Variants in ANKRD30BL observed in about 807,000 individuals in gnomAD.
ANKRD30BL encodes the protein ankyrin repeat domain 30B like.
Under a neutral mutation model 18.4 loss-of-function variants are expected in ANKRD30BL, and 20 were observed. That is an observed-to-expected ratio of 1.09 (90% CI 0.77 to 1.58). ANKRD30BL has a LOEUF of 1.58. Among genes scored for constraint, ANKRD30BL ranks in the 40% most tolerant of loss-of-function variants. ANKRD30BL has a pLI of 0.00. For synonymous variants in ANKRD30BL, 72 were observed against 100.9 expected (o/e 0.71, Z 1.72); for missense variants, 224 against 268.6 (o/e 0.83, Z 1.16).
At chr2:132,204,462 T>C (rs1446567144) in intron 1 of ANKRD30BL, among the ~76,000 whole-genome samples, 2 of 94,048 alleles carry the variant, frequency 2.1e-5, no homozygotes, top group Non-Finnish European at 4.3e-5. Flanking sequence ...ATAGTGTGTA[T>C]GTATGTATGT....
chr2:132,239,846 T>C (rs1271001426), intron 1 of ANKRD30BL, among the ~76,000 whole-genome samples: 2 of 151,954 alleles, frequency 1.3e-5, no homozygotes, highest in African/African-American at 4.8e-5. Flanking sequence ...TCTCAGAAAC[T>C]TCTTTGTGAT....
At chr2:132,183,426 G>A (rs1173323939) in intron 1 of ANKRD30BL, among the ~76,000 whole-genome samples, 1 of 152,114 alleles carries the variant, frequency 6.6e-6, no homozygotes, top group Non-Finnish European at 1.5e-5. Flanking sequence ...ACTGCACCCG[G>A]CCACTTTTAG....
At chr2:132,233,221 C>A (rs1205756049) in intron 1 of ANKRD30BL, among the ~76,000 whole-genome samples, 2 of 152,072 alleles carry the variant, frequency 1.3e-5, no homozygotes, top group Non-Finnish European at 2.9e-5. Flanking sequence ...GTACCAGCCA[C>A]TGCAAAATCA....
chr2:132,221,323 G>A (rs1679671586), intron 1 of ANKRD30BL, among the ~76,000 whole-genome samples: 1 of 148,434 alleles, frequency 6.7e-6, no homozygotes, highest in African/African-American at 2.5e-5. Context: ...GGGAGGTGGG[G>A]GGGTCAGCCC....
chr2:132,202,605 G>T (rs1044222863), intron 1 of ANKRD30BL, among the ~76,000 whole-genome samples: 1 of 151,772 alleles, frequency 6.6e-6, no homozygotes, highest in East Asian at 1.9e-4. Context: ...AACCAATAAA[G>T]ATATGCAATA....
At chr2:132,202,146 G>A (rs1323238705) in intron 1 of ANKRD30BL, among the ~76,000 whole-genome samples, 3 of 149,540 alleles carry the variant, frequency 2.0e-5, no homozygotes, top group East Asian at 3.9e-4. Flanking sequence ...CTGTTGTGGG[G>A]TGGAGGCAGG....
intron 1 of ANKRD30BL, chr2:132,253,175 C>A: frequency 4.5e-6 from 1 of 221,954 alleles, no homozygotes. Context: ...CAGGCATAGC[C>A]CTGGGAGGAA....
intron 1 of ANKRD30BL, among the ~76,000 whole-genome samples, chr2:132,223,379 A>C (rs1573861524): frequency 6.6e-6 from 1 of 152,056 alleles, no homozygotes; most frequent in South Asian, 2.1e-4. Flanking sequence ...GCAGGTTTGA[A>C]ACACTCTTTT....
At chr2:132,249,934 C>T (rs1442929497) in intron 1 of ANKRD30BL, among the ~76,000 whole-genome samples, 14 of 152,180 alleles carry the variant, frequency 9.2e-5, no homozygotes, top group Non-Finnish European at 1.2e-4. Flanking sequence ...GATGAACACA[C>T]ACATCACAAA....
intron 1 of ANKRD30BL, among the ~76,000 whole-genome samples, chr2:132,191,435 G>A (rs1464877574): frequency 6.6e-6 from 1 of 152,034 alleles, no homozygotes; most frequent in Admixed American, 6.6e-5. Context: ...AGGTCAAATT[G>A]TAAGTGTATG....
chr2:132,236,018 C>A (rs1442899942), intron 1 of ANKRD30BL, among the ~76,000 whole-genome samples: 2 of 152,006 alleles, frequency 1.3e-5, no homozygotes, highest in Admixed American at 6.6e-5. Flanking sequence ...AGAACAGAGC[C>A]CTCAGAAATA....
chr2:132,238,699 T>A lies in ANKRD30BL; in HGVS notation n.441+18830A>T, dbSNP rs112498771. Among the ~76,000 whole-genome samples, 34 of 152,156 alleles carry A rather than the reference T, an allele frequency of 2.2e-4. 1 individual carries two copies. The highest frequency in any genetic ancestry group is 8.2e-4 in the African/African-American group (34 of 41,536). ...AACTCACAGATTTGAACCTTTCTTT[T>A]GATAGAGCAGTTTTGAAACACTCAT... On this transcript the variant is annotated intron_variant and non_coding_transcript_variant, in intron 1 of 4. Transcript: ENST00000470729.
chr2:132,164,277 T>C (rs868577268), upstream of ANKRD30BL, among the ~76,000 whole-genome samples: 44,601 of 134,316 alleles, frequency 0.33, 7,553 homozygotes, highest in Middle Eastern at 0.43. Flanking sequence ...TTCTTTTTTT[T>C]TTTTTTTTTT....
intron 1 of ANKRD30BL, among the ~76,000 whole-genome samples, chr2:132,253,733 G>A (rs10170235): frequency 2.0e-5 from 3 of 151,490 alleles, no homozygotes; most frequent in South Asian, 2.1e-4. Context: ...CAGGCAGACC[G>A]GCGACCCCTC....
At chr2:132,234,890 G>A (rs1415230181) in intron 1 of ANKRD30BL, among the ~76,000 whole-genome samples, 1 of 152,068 alleles carries the variant, frequency 6.6e-6, no homozygotes. Flanking sequence ...CCAAAAAAGA[G>A]AATTTTAGAC....
intron 1 of ANKRD30BL, among the ~76,000 whole-genome samples, chr2:132,194,389 G>A (rs111267079): frequency 0.018 from 2,757 of 152,310 alleles, 79 homozygotes; most frequent in African/African-American, 0.057. Flanking sequence ...ATAAGTCAGC[G>A]ACAGCCTGGC....
chr2:132,251,458 C>T (rs1046836512), intron 1 of ANKRD30BL, among the ~76,000 whole-genome samples: 2 of 152,228 alleles, frequency 1.3e-5, no homozygotes, highest in East Asian at 1.9e-4. Flanking sequence ...TTTGCTGACA[C>T]TCTGACACGT....
chr2:132,148,276 C>G (rs1166811398), intron 5 of ANKRD30BL, 48 bp from the exon 6 acceptor site: 1 of 1,515,582 alleles, frequency 6.6e-7, no homozygotes. Context: ...AAATATCATC[C>G]TTCTGACTCT....
chr2:132,221,571 G>A (rs1243347751), intron 1 of ANKRD30BL, among the ~76,000 whole-genome samples: 19 of 135,326 alleles, frequency 1.4e-4, no homozygotes, highest in Admixed American at 1.0e-3. Context: ...CGCCCGGCCA[G>A]CCGCCCAGTC....
Sources: allele counts gnomAD v4.1 joint callset (sites outside exome capture counted in the v4.1 genomes callset), GRCh38; gene constraint gnomAD v4.1.1; transcripts MANE v1.5; gene names NCBI Gene and HGNC (gene_info 2026-07-23, HGNC 2026-07-21).